The following ANLN variants were observed in gnomAD, a reference collection of about 807,000 sequenced individuals.
The protein encoded by ANLN is anillin, actin binding protein.
ANLN carries 59 observed loss-of-function variants against 135.1 expected under a neutral mutation model. That is an observed-to-expected ratio of 0.44 (90% CI 0.35 to 0.54). The LOEUF (loss-of-function observed/expected upper bound fraction) is 0.54. Among genes scored for constraint, ANLN ranks in the 20% least tolerant of loss-of-function variants. ANLN has a pLI of 0.00. For missense variants in ANLN, 1,182 were observed against 1,340.0 expected (o/e 0.88, Z 1.84); for synonymous variants, 406 against 456.4 (o/e 0.89, Z 1.41).
At chr7:36,400,777 C>A (rs1254519925) in intron 3 of ANLN, among the ~76,000 whole-genome samples, 1 of 152,208 alleles carries the variant, frequency 6.6e-6, no homozygotes, top group African/African-American at 2.4e-5. Context: ...GGTTCTCAGC[C>A]TGGCTGATTG....
intron 23 of ANLN, among the ~76,000 whole-genome samples, chr7:36,450,087 C>T (rs990351650): frequency 1.4e-4 from 22 of 152,214 alleles, no homozygotes; most frequent in African/African-American, 5.3e-4. Flanking sequence ...GAGGCATTTT[C>T]ATGGCAGTTA....
chr7:36,447,337 T>G (rs1258898103), intron 22 of ANLN, among the ~76,000 whole-genome samples: 1 of 152,058 alleles, frequency 6.6e-6, no homozygotes, highest in East Asian at 1.9e-4. Flanking sequence ...TCTTTGCATA[T>G]CTACTCTTGC....
At chr7:36,423,981 T>A (rs748163432) in intron 15 of ANLN, 38 bp downstream of exon 15, 21 of 1,594,196 alleles carry the variant, frequency 1.3e-5, no homozygotes, top group Non-Finnish European at 1.7e-5. Flanking sequence ...GAATGCATTT[T>A]TCTTTTTGTA....
At chr7:36,390,164 G>T (rs1786369612) in intron 1 of ANLN, 120 bp downstream of exon 1, 4 of 1,558,544 alleles carry the variant, frequency 2.6e-6, no homozygotes, top group Non-Finnish European at 3.5e-6. Context: ...GCGCGCGTGC[G>T]CAGTGTGTGC....
intron 1 of ANLN, among the ~76,000 whole-genome samples, chr7:36,393,086 C>T (rs1202146922): frequency 6.6e-6 from 1 of 150,934 alleles, no homozygotes; most frequent in Non-Finnish European, 1.5e-5. Flanking sequence ...CTCAATGGTG[C>T]GATCTTGGCT....
At position 36,443,837 on chromosome 7, in the gene ANLN, C is replaced by A; in HGVS notation, c.3053C>A (p.Thr1018Asn). 1 of 1,610,526 alleles carries A rather than the reference C, an allele frequency of 6.2e-7. No individual in the cohort carries two copies. Among genetic ancestry groups the A allele is most frequent in the Non-Finnish European group, 8.5e-7 (1 of 1,177,896 alleles). The change falls in exon 22 of 24, where the codon ACT (threonine) becomes AAT (asparagine). Residue 1018 changes from threonine to asparagine, a missense_variant. Physicochemically the swap from Thr to Asn is moderately conservative, Grantham distance 65. Coordinates refer to ENST00000265748, the MANE Select transcript of ANLN (RefSeq NM_018685.5). ...VLSGNCISYWTYPDDEKRKNP... is the reference protein window; with the variant it reads ...VLSGNCISYWNYPDDEKRKNP... Reference sequence around the variant, plus strand: ...TCTGGAAACTGTATATCTTATTGGACTTATCCAGATGATGAGAAACGCAAG... The same window carrying A: ...TCTGGAAACTGTATATCTTATTGGAATTATCCAGATGATGAGAAACGCAAG...
At chr7:36,428,147 C>T (rs896630979) in intron 20 of ANLN, among the ~76,000 whole-genome samples, 1 of 152,128 alleles carries the variant, frequency 6.6e-6, no homozygotes, top group African/African-American at 2.4e-5. Flanking sequence ...GGACAAAAAG[C>T]AGACTGTATT....
At chr7:36,410,431 A>G in intron 5 of ANLN, 83 bp from the exon 6 acceptor site, 1 of 1,174,464 alleles carries the variant, frequency 8.5e-7, no homozygotes, top group Non-Finnish European at 1.2e-6. Context: ...TTGAAGCTGT[A>G]ATGTAGTTTA....
intron 20 of ANLN, among the ~76,000 whole-genome samples, chr7:36,432,354 T>C (rs1788367168): frequency 6.6e-6 from 1 of 152,230 alleles, no homozygotes; most frequent in African/African-American, 2.4e-5. Context: ...CTGTTGTATC[T>C]TGACATTTTT....
chr7:36,418,937 A>T (rs941218759), intron 9 of ANLN, among the ~76,000 whole-genome samples: 10 of 151,806 alleles, frequency 6.6e-5, no homozygotes, highest in African/African-American at 2.4e-4. Flanking sequence ...TTGTATTTTT[A>T]GTAGAGACTG....
chr7:36,417,811 G>A (rs1053565919), intron 9 of ANLN, among the ~76,000 whole-genome samples: 1 of 151,174 alleles, frequency 6.6e-6, no homozygotes, highest in Admixed American at 6.6e-5. Context: ...CTGAGTAGCT[G>A]GGACTACAGG....
intron 10 of ANLN, 101 bp downstream of exon 10, chr7:36,419,580 C>T (rs1418586901): frequency 2.0e-6 from 2 of 988,076 alleles, no homozygotes; most frequent in Non-Finnish European, 3.0e-6. Context: ...GGCTCAGTAG[C>T]CAAGGGAATT....
At chr7:36,452,396 T>A (rs1789282494) in intron 23 of ANLN, 81 bp from the exon 24 acceptor site, 2 of 1,543,770 alleles carry the variant, frequency 1.3e-6, no homozygotes, top group South Asian at 1.2e-5. Flanking sequence ...TATTTAGTCA[T>A]TTTTTTCCCT....
At chr7:36,417,305 T>C in intron 9 of ANLN, 115 bp downstream of exon 9, 1 of 629,706 alleles carries the variant, frequency 1.6e-6, no homozygotes, top group Non-Finnish European at 2.7e-6. Context: ...TAAATCAGAA[T>C]ACACTGTAGC....
At chr7:36,413,185 GA>G (rs1404998959) in intron 7 of ANLN, among the ~76,000 whole-genome samples, 3 of 144,690 alleles carry the variant, frequency 2.1e-5, no homozygotes, top group East Asian at 2.1e-4. Context: ...TCTGCCATCT[GA>G]AAAAAAAAAC....
chr7:36,399,769 G>C (rs1786863285), intron 3 of ANLN, among the ~76,000 whole-genome samples: 1 of 152,208 alleles, frequency 6.6e-6, no homozygotes, highest in Non-Finnish European at 1.5e-5. Context: ...ACTAAGGTAT[G>C]CAATGCTGTT....
intron 3 of ANLN, among the ~76,000 whole-genome samples, chr7:36,403,969 T>A (rs542785575): frequency 8.0e-4 from 120 of 150,320 alleles, no homozygotes; most frequent in Admixed American, 2.8e-3. Context: ...GCCGGGATGT[T>A]TGTTTGTTTG....
chr7:36,401,409 G>T (rs1412222878), intron 3 of ANLN, among the ~76,000 whole-genome samples: 1 of 152,164 alleles, frequency 6.6e-6, no homozygotes, highest in Non-Finnish European at 1.5e-5. Flanking sequence ...CGCAATCTCG[G>T]CTCACTGCAA....
At position 36,421,976 on chromosome 7, in the gene ANLN, ACTT is replaced by A. The variant is rs770833202; in HGVS notation, c.2289_2291del (p.Leu764del). 1.2e-6 allele frequency: 2 copies of A among 1,613,076 alleles called. No homozygotes were observed. Among genetic ancestry groups the A allele is most frequent in the Non-Finnish European group, 8.5e-7 (1 of 1,179,598 alleles). On this transcript the variant is annotated inframe_deletion, in exon 13 of 24. Transcript: ENST00000265748. Reference sequence around the variant, plus strand: ...CCCTAGAAGAAGCTGAAGCAGAAAGACTTCTTCTAATTGCAAGTAAGTGTGATG... The same window carrying A: ...CCCTAGAAGAAGCTGAAGCAGAAAGACTTCTAATTGCAAGTAAGTGTGATG...
Sources: allele counts gnomAD v4.1 joint callset (sites outside exome capture counted in the v4.1 genomes callset), GRCh38; gene constraint gnomAD v4.1.1; transcripts MANE v1.5; gene names NCBI Gene and HGNC (gene_info 2026-07-23, HGNC 2026-07-21).